Variants in DENND5A observed in about 807,000 individuals in gnomAD.
DENND5A encodes the protein DENN domain containing 5A.
DENND5A carries 64 observed loss-of-function variants against 140.3 expected under a neutral mutation model. The observed-to-expected ratio is 0.46, with a 90% CI of 0.37 to 0.56. The LOEUF (loss-of-function observed/expected upper bound fraction) is 0.56. Ranked by LOEUF, DENND5A falls within the 20% of genes least tolerant of loss-of-function variation. The probability of loss-of-function intolerance (pLI) is 0.00; values close to 1 mark genes in which losing one functional copy is unlikely to be tolerated. For synonymous variants in DENND5A, 605 were observed against 607.7 expected (o/e 1.00, Z 0.07); for missense variants, 1,292 against 1,593.8 (o/e 0.81, Z 3.22).
chr11:9,150,633 C>G, intron 14 of DENND5A, 47 bp downstream of exon 14: 1 of 1,435,050 alleles, frequency 7.0e-7, no homozygotes. Flanking sequence ...TAAGCAGCAA[C>G]TGAAAACAGG....
In DENND5A at chr11:9,179,086, A is replaced by G. The variant is rs777570569; in HGVS notation, c.1456-13T>C. Reference sequence around the variant, plus strand: ...CACGCACTTCCAACTACAAAAAAAGAAAAAGCAGTTGAGAACACATACACT... The same window carrying G: ...CACGCACTTCCAACTACAAAAAAAGGAAAAGCAGTTGAGAACACATACACT... On this transcript the variant is annotated splice_polypyrimidine_tract_variant and intron_variant, in intron 6 of 22. Transcript: ENST00000328194. The G allele has an allele frequency of 9.3e-6, 15 of 1,611,104 alleles. No homozygotes were observed. The highest frequency in any genetic ancestry group is 1.3e-5 in the Non-Finnish European group (15 of 1,178,026).
At chr11:9,226,515 G>C (rs1471820637) in intron 1 of DENND5A, among the ~76,000 whole-genome samples, 1 of 152,018 alleles carries the variant, frequency 6.6e-6, no homozygotes, top group Non-Finnish European at 1.5e-5. Flanking sequence ...TTTTGTTTTT[G>C]TTTTTCAAAT....
At chr11:9,212,582 T>G (rs1292336541) in intron 1 of DENND5A, among the ~76,000 whole-genome samples, 2 of 151,988 alleles carry the variant, frequency 1.3e-5, no homozygotes, top group Non-Finnish European at 2.9e-5. Flanking sequence ...TACTACTGCC[T>G]TCTCATCAGA....
chr11:9,193,722 T>G (rs748936074), intron 4 of DENND5A, 41 bp from the exon 5 acceptor site: 26 of 1,535,378 alleles, frequency 1.7e-5, no homozygotes, highest in Non-Finnish European at 2.3e-5. Context: ...CACAAATCAG[T>G]CAAAAACAAG....
intron 12 of DENND5A, among the ~76,000 whole-genome samples, chr11:9,154,472 C>T (rs76603223): frequency 0.023 from 3,545 of 152,038 alleles, 158 homozygotes; most frequent in African/African-American, 0.081. Flanking sequence ...AAGATATACC[C>T]CATGAGAATA....
intron 1 of DENND5A, among the ~76,000 whole-genome samples, chr11:9,219,505 AG>A (rs970645155): frequency 1.1e-4 from 17 of 151,992 alleles, no homozygotes; most frequent in South Asian, 8.3e-4. Context: ...TCTCAAAAAA[AG>A]AATGTATTTT....
chr11:9,193,653 C>G lies in DENND5A; in HGVS notation c.978G>C (p.Glu326Asp). 1 of 1,613,558 alleles carries G rather than the reference C, an allele frequency of 6.2e-7. No individual in the cohort carries two copies. Among genetic ancestry groups the G allele is most frequent in the Non-Finnish European group, 8.5e-7 (1 of 1,179,736 alleles). ...AAGGAAACATGAGAGCTGTAATCGTCTCCGCCACAGTCATCAGTCTCTGGT... is the reference window on the plus strand; with the variant it reads ...AAGGAAACATGAGAGCTGTAATCGTGTCCGCCACAGTCATCAGTCTCTGGT... ...QHYQRLMTVA[E>D]TITALMFPFQ... Residue 326 changes from glutamate (E) to aspartate (D), a missense_variant, in exon 5 of 23, where the codon GAG (glutamate) becomes GAC (aspartate). Glu to Asp is a conservative substitution (Grantham distance 45, BLOSUM62 2). Around this residue, in one of 4 missense-constraint regions of DENND5A, gnomAD observed 566 missense variants for 650.4 expected, o/e 0.87. Coordinates refer to ENST00000328194, the MANE Select transcript of DENND5A (RefSeq NM_015213.4).
chr11:9,260,194 C>G (rs1199070242), intron 1 of DENND5A, among the ~76,000 whole-genome samples: 1 of 152,042 alleles, frequency 6.6e-6, no homozygotes, highest in Non-Finnish European at 1.5e-5. Flanking sequence ...AATTGGAGTA[C>G]AAGATGAAAG....
chr11:9,247,524 A>G (rs1343369216), intron 1 of DENND5A, among the ~76,000 whole-genome samples: 1 of 152,126 alleles, frequency 6.6e-6, no homozygotes, highest in Non-Finnish European at 1.5e-5. Flanking sequence ...TATCAAATAA[A>G]AACTCTAAGA....
chr11:9,225,017 T>G (rs1393852949), intron 1 of DENND5A, among the ~76,000 whole-genome samples: 2 of 152,098 alleles, frequency 1.3e-5, no homozygotes, highest in Non-Finnish European at 2.9e-5. Context: ...GGTTTTCAGT[T>G]CCCTCACAAT....
Position 9,211,641 on chromosome 11 carries a change from A to C in DENND5A, c.110-4009T>G, listed in dbSNP as rs116446124. On this transcript the variant is annotated intron_variant, in intron 1 of 22. Coordinates refer to ENST00000328194, the MANE Select transcript of DENND5A (RefSeq NM_015213.4). The stretch of plus-strand genomic sequence containing the variant: ...CAGCTATGATCATAATGAATGAAAA[A>C]ATAGATCTCAGGCCAGACATGGTGG... 3.8e-3 allele frequency among the ~76,000 whole-genome samples: 575 copies of C among 152,300 alleles called. 6 individuals are homozygous for C. The highest frequency in any genetic ancestry group is 0.013 in the African/African-American group (555 of 41,572).
Position 9,193,651 on chromosome 11 carries a change from G to A in DENND5A, c.980C>T (p.Thr327Met), listed in dbSNP as rs552367933. Residue 327 changes from threonine (T) to methionine (M), a missense_variant, in exon 5 of 23, where the codon ACG (threonine) becomes ATG (methionine). By Grantham distance (81) the Thr-to-Met change is moderately conservative (BLOSUM62 -1). This residue lies in a region of DENND5A where 566 missense variants were observed against 650.4 expected (regional missense o/e 0.87). Coordinates refer to ENST00000328194, the MANE Select transcript of DENND5A (RefSeq NM_015213.4). Reference sequence around the variant, plus strand: ...GAAAGGAAACATGAGAGCTGTAATCGTCTCCGCCACAGTCATCAGTCTCTG... The same window carrying A: ...GAAAGGAAACATGAGAGCTGTAATCATCTCCGCCACAGTCATCAGTCTCTG... ...HYQRLMTVAE[T>M]ITALMFPFQW... The A allele has an allele frequency of 1.2e-5, 20 of 1,613,534 alleles. No individual in the cohort carries two copies. The highest frequency in any genetic ancestry group is 8.8e-5 in the South Asian group (8 of 90,972).
chr11:9,256,788 G>A (rs1851964447), intron 1 of DENND5A, among the ~76,000 whole-genome samples: 1 of 152,178 alleles, frequency 6.6e-6, no homozygotes. Flanking sequence ...GTTTTCAGGG[G>A]AGAGTGATTA....
At chr11:9,175,261 A>C (rs1290527010) in intron 8 of DENND5A, 2 of 152,186 alleles carry the variant, frequency 1.3e-5, no homozygotes, top group Non-Finnish European at 2.9e-5. Flanking sequence ...AAATAACACC[A>C]AAAAATATGA....
rs1405719973 is a variant in DENND5A at position 9,207,595 on chromosome 11, A to T, written c.147T>A (p.Asp49Glu). 2 of 1,613,468 alleles carry T rather than the reference A, an allele frequency of 1.2e-6. No homozygotes were observed. Among genetic ancestry groups the T allele is most frequent in the Non-Finnish European group, 8.5e-7 (1 of 1,179,646 alleles). Residue 49 changes from aspartate to glutamate, a missense_variant, in exon 2 of 23, where the codon GAT becomes GAA. Coordinates refer to ENST00000328194, the MANE Select transcript of DENND5A (RefSeq NM_015213.4). ...CQYIQASKAR[D>E]GASPFISSTT... ...TACTTGAAATGAAAGGGCTGGCACC[A>T]TCCCTGGCTTTAGAAGCCTGTATGT...
intron 1 of DENND5A, among the ~76,000 whole-genome samples, chr11:9,250,043 T>TAAAAAAA (rs145412972): frequency 1.7e-5 from 2 of 115,372 alleles, no homozygotes; most frequent in African/African-American, 3.1e-5. Flanking sequence ...AAAATAAAAT[T>TAAAAAAA]TAAAAAAAAA....
Position 9,178,209 on chromosome 11 carries a change from T to C in DENND5A, c.1829A>G (p.Lys610Arg), listed in dbSNP as rs1265074393. Residue 610 changes from lysine to arginine, a missense_variant, in exon 8 of 23, where the codon AAG becomes AGG. Physicochemically the swap from Lys to Arg is conservative, Grantham distance 26. Transcript: ENST00000328194. ...VLRVFDSRVD[K>R]IRLLNVRTPT... ...TGTCCGAACATTCAACAGCCTGATC[T>C]TGTCAACTCGGGAATCAAATACCCG... 1 of 1,614,062 alleles carries C rather than the reference T, an allele frequency of 6.2e-7. No individual in the cohort carries two copies. Among genetic ancestry groups the C allele is most frequent in the African/African-American group, 1.3e-5 (1 of 74,924 alleles).
intron 4 of DENND5A, among the ~76,000 whole-genome samples, chr11:9,198,869 G>A (rs776198984): frequency 3.3e-4 from 49 of 149,164 alleles, no homozygotes; most frequent in African/African-American, 7.9e-4. Context: ...TCAGGAGTTC[G>A]AGACCAGCCC....
rs568200338 is a variant in DENND5A, at chr11:9,195,283, T to C, written c.950-1602A>G. Among the ~76,000 whole-genome samples, 5 of 150,878 alleles carry C rather than the reference T, an allele frequency of 3.3e-5. No individual in the cohort carries two copies. In the South Asian group the frequency reaches 1.0e-3, roughly 32 times the overall value. On this transcript the variant is annotated intron_variant, in intron 4 of 22. Coordinates refer to ENST00000328194, the MANE Select transcript of DENND5A (RefSeq NM_015213.4). ...TTAGTAGAGACAAGGTTTCTCCATG[T>C]CAGGCTGGTCACGAACTCCCAACCT...
Sources: gnomAD v4.1 joint callset for allele counts (sites outside exome capture counted in the v4.1 genomes callset) on GRCh38, gnomAD v4.1.1 for gene constraint, gnomAD v4.1.1 regional missense constraint, MANE v1.5 for transcripts, NCBI Gene and HGNC (gene_info 2026-07-23, HGNC 2026-07-21) for gene names.